NKAIN2: variants seen among roughly 807,000 people sequenced by gnomAD.
NKAIN2 encodes sodium/potassium-transporting ATPase subunit beta-1-interacting protein 2.
Under a neutral mutation model 32.6 loss-of-function variants are expected in NKAIN2, and 14 were observed. The observed-to-expected ratio is 0.43, with a 90% CI of 0.28 to 0.67. The LOEUF (loss-of-function observed/expected upper bound fraction) is 0.67. Among genes scored for constraint, NKAIN2 ranks in the 30% least tolerant of loss-of-function variants. The pLI is 0.17. For synonymous variants in NKAIN2, 80 were observed against 87.2 expected, an observed-to-expected ratio of 0.92 and a Z score of 0.46; for missense variants, 198 against 258.3, an observed-to-expected ratio of 0.77 and a Z score of 1.60.
At chr6:124,694,708 T>C (rs1405613883) in intron 4 of NKAIN2, among the ~76,000 whole-genome samples, 1 of 152,182 alleles carries the variant, frequency 6.6e-6, no homozygotes, top group East Asian at 1.9e-4. Flanking sequence ...CATATGGTTA[T>C]TTTTGGTGCT....
rs557864444 is a variant in NKAIN2 at position 124,748,693 on chromosome 6, A to G, written c.475-42646A>G. Among the ~76,000 whole-genome samples the G allele has an allele frequency of 1.6e-3, 242 of 152,032 alleles. 3 individuals are homozygous for G. Among genetic ancestry groups the G allele is most frequent in the African/African-American group, 5.4e-3 (223 of 41,508 alleles). ...TCTATCGTCTTGTTTTCTGCTATTCAGAGCACTAAAGACACTGGGTTTTGT... is the reference window on the plus strand; with the variant it reads ...TCTATCGTCTTGTTTTCTGCTATTCGGAGCACTAAAGACACTGGGTTTTGT... On this transcript the variant is annotated intron_variant, in intron 4 of 6. Coordinates refer to ENST00000368417, the MANE Select transcript of NKAIN2 (RefSeq NM_001040214.3).
chr6:124,576,419 C>G (rs1562265238), intron 3 of NKAIN2, among the ~76,000 whole-genome samples: 1 of 152,148 alleles, frequency 6.6e-6, no homozygotes, highest in Non-Finnish European at 1.5e-5. Context: ...AGTGGTCACA[C>G]TTGAACTTCT....
chr6:124,701,177 A>C (rs927308025), intron 4 of NKAIN2, among the ~76,000 whole-genome samples: 6 of 150,744 alleles, frequency 4.0e-5, no homozygotes, highest in East Asian at 1.9e-4. Context: ...ACACACACAC[A>C]CCGGATGACA....
chr6:124,647,937 G>A (rs1175468872), intron 3 of NKAIN2, among the ~76,000 whole-genome samples: 2 of 152,156 alleles, frequency 1.3e-5, no homozygotes, highest in Non-Finnish European at 2.9e-5. Context: ...AGAAAGACAC[G>A]AGAAATGTTA....
At chr6:124,448,241 C>T (rs1046857530) in intron 3 of NKAIN2, among the ~76,000 whole-genome samples, 2 of 152,006 alleles carry the variant, frequency 1.3e-5, no homozygotes, top group East Asian at 1.9e-4. Flanking sequence ...TTAAGGAAAT[C>T]TCTGCTCATT....
intron 1 of NKAIN2, among the ~76,000 whole-genome samples, chr6:123,923,972 TAAAA>T: frequency 6.6e-6 from 1 of 151,936 alleles, no homozygotes; most frequent in East Asian, 1.9e-4. Context: ...TTAAAAAAAT[TAAAA>T]AAAGGATTTT....
At chr6:124,066,496 A>C (rs1783185946) in intron 1 of NKAIN2, among the ~76,000 whole-genome samples, 1 of 152,128 alleles carries the variant, frequency 6.6e-6, no homozygotes, top group Non-Finnish European at 1.5e-5. Context: ...GGCACTATAG[A>C]GTTATTGGAA....
At chr6:124,362,901 C>G (rs1799352113) in intron 3 of NKAIN2, among the ~76,000 whole-genome samples, 2 of 152,134 alleles carry the variant, frequency 1.3e-5, no homozygotes, top group South Asian at 4.1e-4. Flanking sequence ...TTGGTGCACT[C>G]TCAGCTCACT....
At chr6:124,148,715 C>A (rs1787553748) in intron 1 of NKAIN2, among the ~76,000 whole-genome samples, 1 of 152,118 alleles carries the variant, frequency 6.6e-6, no homozygotes, top group Non-Finnish European at 1.5e-5. Context: ...TTTTTGCATT[C>A]ATCAGTTGAT....
At chr6:124,281,064 ACTG>A (rs1212984448) in intron 1 of NKAIN2, among the ~76,000 whole-genome samples, 18 of 152,154 alleles carry the variant, frequency 1.2e-4, no homozygotes, top group African/African-American at 4.1e-4. Flanking sequence ...AATTAATAGG[ACTG>A]CTATTTTCTT....
In NKAIN2 at chr6:123,832,439, G is replaced by C. The variant is rs59086857; in HGVS notation, c.54+28185G>C. On this transcript the variant is annotated intron_variant, in intron 1 of 6. Coordinates refer to ENST00000368417, the MANE Select transcript of NKAIN2 (RefSeq NM_001040214.3). ...GAATAAGACAGCTATGAACATCCAT[G>C]AGCAGGTTTTTATGTGGGTATAAGT... Among the ~76,000 whole-genome samples the C allele has an allele frequency of 5.5e-3, 835 of 152,300 alleles. 5 individuals are homozygous for C. The highest frequency in any genetic ancestry group is 0.019 in the African/African-American group (784 of 41,550).
chr6:124,033,230 T>C (rs1781478745), intron 1 of NKAIN2, among the ~76,000 whole-genome samples: 1 of 152,052 alleles, frequency 6.6e-6, no homozygotes, highest in African/African-American at 2.4e-5. Context: ...TGTTAAAGGG[T>C]GAAGATTAGT....
At chr6:124,450,642 G>A (rs991102013) in intron 3 of NKAIN2, among the ~76,000 whole-genome samples, 5 of 151,618 alleles carry the variant, frequency 3.3e-5, no homozygotes, top group African/African-American at 9.7e-5. Context: ...AATAGACTCT[G>A]CATATCCTGA....
intron 3 of NKAIN2, among the ~76,000 whole-genome samples, chr6:124,373,904 G>A (rs142770108): frequency 6.6e-6 from 1 of 152,234 alleles, no homozygotes; most frequent in African/African-American, 2.4e-5. Context: ...AGGTCTTGTA[G>A]TAAGATGCTG....
intron 1 of NKAIN2, among the ~76,000 whole-genome samples, chr6:124,191,679 A>T (rs1790028949): frequency 6.6e-6 from 1 of 152,170 alleles, no homozygotes; most frequent in Non-Finnish European, 1.5e-5. Flanking sequence ...TGGATCCCAG[A>T]AATGCATTCA....
chr6:124,109,966 A>G (rs984682650), intron 1 of NKAIN2, among the ~76,000 whole-genome samples: 1 of 151,276 alleles, frequency 6.6e-6, no homozygotes, highest in African/African-American at 2.4e-5. Context: ...ATCATCATCT[A>G]TGATCCCTTT....
intron 2 of NKAIN2, among the ~76,000 whole-genome samples, chr6:124,296,847 G>A (rs1268431086): frequency 6.6e-6 from 1 of 152,128 alleles, no homozygotes; most frequent in Non-Finnish European, 1.5e-5. Context: ...GCTTCTTGAT[G>A]TGCCTGCTTC....
At chr6:124,788,723 G>T (rs1003687818) in intron 4 of NKAIN2, among the ~76,000 whole-genome samples, 9 of 152,042 alleles carry the variant, frequency 5.9e-5, no homozygotes, top group Non-Finnish European at 1.2e-4. Context: ...AACACATGGG[G>T]GTTATGGGAA....
intron 3 of NKAIN2, among the ~76,000 whole-genome samples, chr6:124,474,517 A>T (rs1043645572): frequency 6.6e-6 from 1 of 152,094 alleles, no homozygotes; most frequent in Non-Finnish European, 1.5e-5. Flanking sequence ...TACCTGTTGT[A>T]GTAGTGTGTA....
Sources: allele counts gnomAD v4.1 joint callset (sites outside exome capture counted in the v4.1 genomes callset), GRCh38; gene constraint gnomAD v4.1.1; transcripts MANE v1.5; gene names NCBI Gene and HGNC (gene_info 2026-07-23, HGNC 2026-07-21).